Variants in KCNMB2 observed in about 807,000 individuals in gnomAD.
The protein encoded by KCNMB2 is calcium-activated potassium channel subunit beta-2.
In KCNMB2, 9 loss-of-function variants were observed where a neutral mutation model predicts 24.5. That is an observed-to-expected ratio of 0.37 (90% CI 0.22 to 0.64). The LOEUF is 0.64. Ranked by LOEUF, KCNMB2 falls within the 30% of genes least tolerant of loss-of-function variation. KCNMB2 has a pLI of 0.63. For missense variants in KCNMB2, 226 were observed against 284.3 expected (o/e 0.79, Z 1.47); for synonymous variants, 109 against 104.4 (o/e 1.04, Z -0.27).
At chr3:178,649,334 A>G (rs1720025857) in intron 1 of KCNMB2, among the ~76,000 whole-genome samples, 1 of 152,082 alleles carries the variant, frequency 6.6e-6, no homozygotes, top group African/African-American at 2.4e-5. Flanking sequence ...TCATATTTTT[A>G]CTATTCTTGT....
At chr3:178,830,127 C>T (rs1714998044) in intron 4 of KCNMB2, among the ~76,000 whole-genome samples, 2 of 152,090 alleles carry the variant, frequency 1.3e-5, no homozygotes, top group Non-Finnish European at 2.9e-5. Flanking sequence ...TTCCTTTGTA[C>T]TTTTATCACC....
intron 1 of KCNMB2, among the ~76,000 whole-genome samples, chr3:178,598,928 T>C (rs1717978074): frequency 6.6e-6 from 1 of 152,086 alleles, no homozygotes; most frequent in Non-Finnish European, 1.5e-5. Context: ...ATTTGATTTA[T>C]TTGGTTTGGG....
At chr3:178,606,836 C>A (rs1718291297) in intron 1 of KCNMB2, among the ~76,000 whole-genome samples, 1 of 152,148 alleles carries the variant, frequency 6.6e-6, no homozygotes, top group African/African-American at 2.4e-5. Context: ...GGGATTTGAG[C>A]TATAGAGAAA....
intron 1 of KCNMB2, among the ~76,000 whole-genome samples, chr3:178,660,446 C>G (rs181286482): frequency 6.6e-6 from 1 of 152,260 alleles, no homozygotes; most frequent in Non-Finnish European, 1.5e-5. Context: ...CACTGGGGCC[C>G]CTTCCCAAGA....
At chr3:178,765,064 C>G (rs1712059581) in intron 1 of KCNMB2, among the ~76,000 whole-genome samples, 1 of 152,202 alleles carries the variant, frequency 6.6e-6, no homozygotes, top group Non-Finnish European at 1.5e-5. Context: ...GGAATCTTCA[C>G]TAAATTACAG....
chr3:178,721,233 T>A (rs571306169), intron 1 of KCNMB2, among the ~76,000 whole-genome samples: 1 of 152,344 alleles, frequency 6.6e-6, no homozygotes, highest in East Asian at 1.9e-4. Flanking sequence ...AAATAGGGAA[T>A]CCTTTCCCCA....
chr3:178,698,212 C>A (rs1721950655), intron 1 of KCNMB2, among the ~76,000 whole-genome samples: 1 of 152,164 alleles, frequency 6.6e-6, no homozygotes, highest in Non-Finnish European at 1.5e-5. Context: ...GTTCCATTCT[C>A]CCCATCTCTT....
At chr3:178,556,264 A>T (rs1716120561) in intron 1 of KCNMB2, among the ~76,000 whole-genome samples, 1 of 152,210 alleles carries the variant, frequency 6.6e-6, no homozygotes, top group Non-Finnish European at 1.5e-5. Flanking sequence ...CAGATTCCAG[A>T]GTCATTTTCA....
intron 1 of KCNMB2, among the ~76,000 whole-genome samples, chr3:178,704,564 A>G (rs1722214219): frequency 6.6e-6 from 1 of 152,154 alleles, no homozygotes; most frequent in African/African-American, 2.4e-5. Context: ...TATTTCTATC[A>G]TTGCAAAAAA....
intron 1 of KCNMB2, among the ~76,000 whole-genome samples, chr3:178,694,608 C>A (rs1721808848): frequency 6.6e-6 from 1 of 152,168 alleles, no homozygotes; most frequent in Non-Finnish European, 1.5e-5. Flanking sequence ...GAGAAATTGG[C>A]CAAAACAAAG....
At chr3:178,632,461 CCTT>C (rs1719355270) in intron 1 of KCNMB2, among the ~76,000 whole-genome samples, 1 of 152,128 alleles carries the variant, frequency 6.6e-6, no homozygotes, top group Admixed American at 6.5e-5. Flanking sequence ...CCAAATATGT[CCTT>C]CTTCACATGG....
intron 1 of KCNMB2, among the ~76,000 whole-genome samples, chr3:178,767,695 C>A (rs1287475241): frequency 6.6e-6 from 1 of 152,198 alleles, no homozygotes; most frequent in Non-Finnish European, 1.5e-5. Flanking sequence ...TCATCTACAA[C>A]CCCTGTGAGT....
intron 1 of KCNMB2, among the ~76,000 whole-genome samples, chr3:178,704,637 T>A (rs1020318339): frequency 6.6e-6 from 1 of 152,138 alleles, no homozygotes; most frequent in East Asian, 1.9e-4. Context: ...GGAAATCTGT[T>A]TTTAAAGATA....
chr3:178,634,369 A>G (rs1719436200), intron 1 of KCNMB2, among the ~76,000 whole-genome samples: 1 of 152,178 alleles, frequency 6.6e-6, no homozygotes, highest in African/African-American at 2.4e-5. Flanking sequence ...TAATTGACTC[A>G]CAGTTCAGCA....
At chr3:178,605,185 A>G (rs900827831) in intron 1 of KCNMB2, among the ~76,000 whole-genome samples, 2 of 152,194 alleles carry the variant, frequency 1.3e-5, no homozygotes, top group Non-Finnish European at 2.9e-5. Flanking sequence ...CCAAGACCTC[A>G]TGAATGGGAT....
At chr3:178,735,207 A>G (rs1223678129) in intron 1 of KCNMB2, among the ~76,000 whole-genome samples, 1 of 152,256 alleles carries the variant, frequency 6.6e-6, no homozygotes, top group Non-Finnish European at 1.5e-5. Context: ...AGAGAAGCTG[A>G]GCAGTCTGCC....
intron 1 of KCNMB2, among the ~76,000 whole-genome samples, chr3:178,776,570 G>A (rs1390272305): frequency 6.6e-6 from 1 of 152,082 alleles, no homozygotes; most frequent in African/African-American, 2.4e-5. Flanking sequence ...AATGTTTAAT[G>A]GGACACCATC....
rs371973626 is a variant in KCNMB2 at position 178,678,035 on chromosome 3, G to A, written c.-67-129308G>A. Among the ~76,000 whole-genome samples, 72 of 152,214 alleles carry A rather than the reference G, an allele frequency of 4.7e-4. No individual in the cohort carries two copies. The South Asian group carries it at 0.014, about 29-fold the overall frequency. ...CTCCCAGTTCACAACCTCTATAAACGGGCCAGAACTAGTTCATCACCAGTG... is the reference window on the plus strand; with the variant it reads ...CTCCCAGTTCACAACCTCTATAAACAGGCCAGAACTAGTTCATCACCAGTG... On this transcript the variant is annotated intron_variant, in intron 1 of 4. Coordinates refer to ENST00000452583, the MANE Select transcript of KCNMB2 (RefSeq NM_181361.3).
At chr3:178,728,848 C>A (rs904628292) in intron 1 of KCNMB2, among the ~76,000 whole-genome samples, 2 of 152,186 alleles carry the variant, frequency 1.3e-5, no homozygotes, top group Non-Finnish European at 2.9e-5. Context: ...TGGAAAGTTA[C>A]TCAGGGATGT....
Sources: gnomAD v4.1 joint callset for allele counts (sites outside exome capture counted in the v4.1 genomes callset) on GRCh38, gnomAD v4.1.1 for gene constraint, MANE v1.5 for transcripts, NCBI Gene and HGNC (gene_info 2026-07-23, HGNC 2026-07-21) for gene names.